The following SSBP3 variants were observed in gnomAD, a reference collection of about 807,000 sequenced individuals.
The protein encoded by SSBP3 is single stranded DNA binding protein 3.
SSBP3 carries 5 observed loss-of-function variants against 69.6 expected under a neutral mutation model. That is an observed-to-expected ratio of 0.07 (90% CI 0.04 to 0.15). The LOEUF (loss-of-function observed/expected upper bound fraction) is 0.15. SSBP3 is among the 10% of genes least tolerant of loss of function. The pLI is 1.00. For missense variants in SSBP3, 312 were observed against 534.0 expected (o/e 0.58, Z 4.10); for synonymous variants, 196 against 193.4 (o/e 1.01, Z -0.11).
intron 4 of SSBP3, among the ~76,000 whole-genome samples, chr1:54,379,955 G>A (rs1647487879): frequency 6.6e-6 from 1 of 152,194 alleles, no homozygotes; most frequent in Non-Finnish European, 1.5e-5. Context: ...TTTGGGGCTG[G>A]GAAAGGGGCA....
chr1:54,341,176 T>C (rs769074560), intron 4 of SSBP3, among the ~76,000 whole-genome samples: 13 of 152,208 alleles, frequency 8.5e-5, no homozygotes, highest in Non-Finnish European at 1.6e-4. Context: ...AAGGCCCTAC[T>C]GTTGTGTGGT....
At chr1:54,388,407 G>A (rs749010812) in intron 4 of SSBP3, among the ~76,000 whole-genome samples, 1 of 152,208 alleles carries the variant, frequency 6.6e-6, no homozygotes, top group Non-Finnish European at 1.5e-5. Context: ...GAGTGTTACC[G>A]GGATTAAATG....
At chr1:54,243,814 G>A (rs898134348) in intron 9 of SSBP3, among the ~76,000 whole-genome samples, 23 of 152,208 alleles carry the variant, frequency 1.5e-4, no homozygotes, top group East Asian at 1.9e-4. Flanking sequence ...GGTCCAGGTG[G>A]TAGTCCTACC....
At chr1:54,228,893 G>T in intron 14 of SSBP3, 67 bp from the exon 15 acceptor site, 1 of 1,528,622 alleles carries the variant, frequency 6.5e-7, no homozygotes, top group Non-Finnish European at 8.9e-7. Flanking sequence ...CACAGGCAGG[G>T]GGCTGCAGCC....
Position 54,332,592 on chromosome 1 carries a change from C to G in SSBP3, c.277-51065G>C, listed in dbSNP as rs557275527. Among the ~76,000 whole-genome samples the G allele has an allele frequency of 2.0e-5, 3 of 152,268 alleles. No homozygotes were observed. In the South Asian group the frequency reaches 6.2e-4, roughly 32 times the overall value. Reference sequence around the variant, plus strand: ...TGGCCCACATTTGCTAGCTATGTGGCCTCTAAGAAGTCACTTCACCTTCCT... The same window carrying G: ...TGGCCCACATTTGCTAGCTATGTGGGCTCTAAGAAGTCACTTCACCTTCCT... On this transcript the variant is annotated intron_variant, in intron 4 of 17. Coordinates refer to ENST00000610401, the Ensembl canonical transcript of SSBP3.
chr1:54,289,037 C>CAA lies in SSBP3; in HGVS notation c.277-7512_277-7511dup, dbSNP rs994712448. On this transcript the variant is annotated intron_variant, in intron 4 of 17. Transcript: ENST00000610401. The stretch of plus-strand genomic sequence containing the variant: ...TCTGTCTCCAAAAAAAAAAAAAAAA[C>CAA]AAAAAAACAAAAAAAAAAAACAGTA... Among the ~76,000 whole-genome samples the CAA allele has an allele frequency of 7.7e-4, 48 of 62,086 alleles. 3 individuals are homozygous for CAA. The highest frequency in any genetic ancestry group is 1.2e-3 in the African/African-American group (13 of 10,800). 40.7% of individuals were successfully genotyped at this position (62,086 alleles called of 152,430 possible).
intron 4 of SSBP3, among the ~76,000 whole-genome samples, chr1:54,339,497 A>T (rs993625376): frequency 6.6e-6 from 1 of 152,240 alleles, no homozygotes; most frequent in Non-Finnish European, 1.5e-5. Flanking sequence ...TAATTACTTC[A>T]CAGGCTCTTG....
At chr1:54,237,461 A>G (rs1644517483) in intron 14 of SSBP3, 1 of 152,190 alleles carries the variant, frequency 6.6e-6, no homozygotes, top group Admixed American at 6.6e-5. Flanking sequence ...ATTTAGAAAG[A>G]TATGCCTCAG....
At position 54,258,414 on chromosome 1, in the gene SSBP3, C is replaced by G. The variant is rs1644960903; in HGVS notation, c.367-265G>C. Among the ~76,000 whole-genome samples, 1 of 152,162 alleles carries G rather than the reference C, an allele frequency of 6.6e-6. No homozygotes were observed. The highest frequency in any genetic ancestry group is 2.4e-5 in the African/African-American group (1 of 41,436). ...AAAATGAAGCACCTCTGTCAAAGCA[C>G]ACGGGAGTACAGTCCTGGACACAGC... On this transcript the variant is annotated intron_variant, in intron 5 of 17. Transcript: ENST00000610401. This position sits in a 1 kb window ranked among gnomAD's most constrained non-coding sequence, Gnocchi z 4.5.
In SSBP3 at chr1:54,328,693, G is replaced by A. The variant is rs574453219; in HGVS notation, c.277-47166C>T. Reference sequence around the variant, plus strand: ...GCAGCTACAGCCATGTTGCCAAGGCGCCTTTATAAAAAGCCATCACACAAT... The same window carrying A: ...GCAGCTACAGCCATGTTGCCAAGGCACCTTTATAAAAAGCCATCACACAAT... On this transcript the variant is annotated intron_variant, in intron 4 of 17. Coordinates refer to ENST00000610401, the Ensembl canonical transcript of SSBP3. 5.3e-5 allele frequency among the ~76,000 whole-genome samples: 8 copies of A among 152,296 alleles called. No homozygotes were observed. The East Asian group carries it at 5.8e-4, about 11-fold the overall frequency.
At chr1:54,238,256 A>G (rs1357536228) in intron 14 of SSBP3, 3 of 470,918 alleles carry the variant, frequency 6.4e-6, no homozygotes, top group Admixed American at 2.3e-5. Flanking sequence ...GAGCCAACAA[A>G]ACCAGAGTGC....
intron 4 of SSBP3, among the ~76,000 whole-genome samples, chr1:54,311,284 T>C (rs1175318349): frequency 6.6e-6 from 1 of 151,914 alleles, no homozygotes; most frequent in Admixed American, 6.6e-5. Flanking sequence ...GAGAACACCA[T>C]AGGAAGGGCT....
At chr1:54,285,045 G>C (rs949414402) in intron 4 of SSBP3, among the ~76,000 whole-genome samples, 2 of 152,180 alleles carry the variant, frequency 1.3e-5, no homozygotes, top group Non-Finnish European at 1.5e-5. Flanking sequence ...TGTTAGCATT[G>C]ACTAAGGGGC....
chr1:54,399,647 T>C (rs1184619920), intron 4 of SSBP3, among the ~76,000 whole-genome samples: 5 of 151,522 alleles, frequency 3.3e-5, no homozygotes. Flanking sequence ...AAGAGAGGAA[T>C]GCATTCCAGG....
At chr1:54,343,248 T>C (rs1200670302) in intron 4 of SSBP3, among the ~76,000 whole-genome samples, 5 of 152,320 alleles carry the variant, frequency 3.3e-5, no homozygotes, top group African/African-American at 1.2e-4. Flanking sequence ...GTGTTTGGCA[T>C]GTGTTCTGAA....
At chr1:54,247,939 T>C (rs1644761698) in intron 9 of SSBP3, among the ~76,000 whole-genome samples, 3 of 152,240 alleles carry the variant, frequency 2.0e-5, no homozygotes, top group African/African-American at 7.2e-5. Flanking sequence ...ACTGGCACTT[T>C]ACAAAACCAG....
At chr1:54,404,923 A>C in exon 2 of SSBP3, 1 of 1,612,732 alleles carries the variant, frequency 6.2e-7, no homozygotes, top group Non-Finnish European at 8.5e-7. Context: ...TAGACGTATA[A>C]AGCTAACCTG....
upstream of SSBP3, among the ~76,000 whole-genome samples, chr1:54,411,009 A>G (rs181470301): frequency 1.8e-4 from 28 of 152,380 alleles, no homozygotes; most frequent in Admixed American, 1.2e-3. Flanking sequence ...TTAAAATCAA[A>G]TGTGTTTTGA....
chr1:54,402,103 C>A lies in SSBP3; in HGVS notation c.192-158G>T, dbSNP rs144329835. 2.2e-4 allele frequency among the ~76,000 whole-genome samples: 33 copies of A among 152,354 alleles called. No individual in the cohort carries two copies. The East Asian group carries it at 6.2e-3, about 28-fold the overall frequency. On this transcript the variant is annotated intron_variant, in intron 3 of 17. Transcript: ENST00000610401. ...GGCAAACAGCCTAGAAAACAAAACA[C>A]GTCCAACTTCTTCTGGCAAGCCAGC...
Sources: allele counts gnomAD v4.1 joint callset (sites outside exome capture counted in the v4.1 genomes callset), GRCh38; gene constraint gnomAD v4.1.1; non-coding constraint Gnocchi (gnomAD v3.1); transcripts MANE v1.5; gene names NCBI Gene and HGNC (gene_info 2026-07-23, HGNC 2026-07-21).